Variants in STX8 observed in about 807,000 individuals in gnomAD.
The protein encoded by STX8 is syntaxin 8, also known as syntaxin-8.
Under a neutral mutation model 37.5 loss-of-function variants are expected in STX8, and 23 were observed. The ratio of observed to expected loss-of-function variants is 0.61; its 90% confidence interval spans 0.44 to 0.87. STX8 has a LOEUF of 0.87. STX8 is among the 40% of genes least tolerant of loss of function. The pLI is 0.00. For synonymous variants in STX8, 115 were observed against 99.1 expected (o/e 1.16, Z -0.95); for missense variants, 313 against 284.7 (o/e 1.10, Z -0.71).
intron 7 of STX8, among the ~76,000 whole-genome samples, chr17:9,344,696 C>T (rs934903055): frequency 3.3e-5 from 5 of 152,178 alleles, no homozygotes; most frequent in African/African-American, 9.7e-5. Flanking sequence ...GCCCCACCCA[C>T]ACCCCCAACT....
chr17:9,360,918 C>G (rs568975503), intron 7 of STX8, among the ~76,000 whole-genome samples: 129 of 152,206 alleles, frequency 8.5e-4, no homozygotes, highest in Non-Finnish European at 1.4e-3. Flanking sequence ...CCCGCGGTGC[C>G]GGCTACAGGT....
At chr17:9,316,019 T>TA (rs34817207) in intron 7 of STX8, among the ~76,000 whole-genome samples, 15,901 of 138,076 alleles carry the variant, frequency 0.12, 1,111 homozygotes, top group Non-Finnish European at 0.17. Context: ...CATCTCCAAT[T>TA]AAAAAAAAAA....
chr17:9,336,172 G>A (rs994296802), intron 7 of STX8, among the ~76,000 whole-genome samples: 3 of 152,050 alleles, frequency 2.0e-5, no homozygotes, highest in Non-Finnish European at 4.4e-5. Flanking sequence ...GAACTTTATC[G>A]GTATGAGGAT....
rs1021965490 is a variant in STX8 at position 9,481,172 on chromosome 17, C to A, written c.541+10657G>T. ...TGCTGGGATTATAGGCGTGAACCAC[C>A]GTGCCCGGCCTCCTATGCCAATTTC... is the stretch of plus-strand genomic sequence containing the variant. On this transcript the variant is annotated intron_variant, in intron 6 of 7. Coordinates refer to ENST00000306357, the MANE Select transcript of STX8 (RefSeq NM_004853.3). 7.9e-5 allele frequency among the ~76,000 whole-genome samples: 12 copies of A among 152,078 alleles called. 1 individual carries two copies. Among genetic ancestry groups the A allele is most frequent in the African/African-American group, 1.9e-4 (8 of 41,414 alleles).
intron 6 of STX8, among the ~76,000 whole-genome samples, chr17:9,451,368 G>C (rs1157995228): frequency 1.3e-5 from 2 of 152,026 alleles, no homozygotes; most frequent in African/African-American, 4.8e-5. Context: ...CTCAGTTCGA[G>C]AACTTACACA....
At chr17:9,431,775 T>C (rs1913994186) in intron 6 of STX8, among the ~76,000 whole-genome samples, 1 of 152,234 alleles carries the variant, frequency 6.6e-6, no homozygotes, top group African/African-American at 2.4e-5. Context: ...ATTAACATCA[T>C]GGTGTTAAGA....
At chr17:9,325,553 A>G (rs1909725718) in intron 7 of STX8, among the ~76,000 whole-genome samples, 1 of 152,174 alleles carries the variant, frequency 6.6e-6, no homozygotes, top group Non-Finnish European at 1.5e-5. Flanking sequence ...CCATCTTGAC[A>G]TTCTTGATAA....
At chr17:9,316,964 C>T (rs568350375) in intron 7 of STX8, among the ~76,000 whole-genome samples, 8 of 152,190 alleles carry the variant, frequency 5.3e-5, no homozygotes, top group Non-Finnish European at 7.4e-5. Context: ...TGAAGCATTG[C>T]GGGTGAGGAG....
intron 7 of STX8, chr17:9,377,753 G>A (rs1911650965): frequency 6.6e-6 from 1 of 152,220 alleles, no homozygotes; most frequent in Non-Finnish European, 1.5e-5. Flanking sequence ...CTGAGCCACT[G>A]CAGGTGGCCT....
intron 7 of STX8, among the ~76,000 whole-genome samples, chr17:9,297,763 C>T (rs930409211): frequency 6.6e-6 from 1 of 152,094 alleles, no homozygotes; most frequent in African/African-American, 2.4e-5. Context: ...GTAGTCCCAG[C>T]TGCCTGGGAG....
At chr17:9,341,714 G>A (rs1245590457) in intron 7 of STX8, among the ~76,000 whole-genome samples, 1 of 152,204 alleles carries the variant, frequency 6.6e-6, no homozygotes, top group East Asian at 1.9e-4. Flanking sequence ...TGGGATTACA[G>A]GCATGAGCCA....
At chr17:9,373,654 A>C (rs1257069136) in intron 7 of STX8, among the ~76,000 whole-genome samples, 1 of 152,198 alleles carries the variant, frequency 6.6e-6, no homozygotes, top group African/African-American at 2.4e-5. Context: ...ATGTTAAAAA[A>C]AGTGGCTGGG....
intron 7 of STX8, among the ~76,000 whole-genome samples, chr17:9,270,669 T>A (rs1374254381): frequency 6.6e-6 from 1 of 152,010 alleles, no homozygotes; most frequent in Non-Finnish European, 1.5e-5. Context: ...AATGAATGAG[T>A]GAAGAAATGA....
At chr17:9,494,150 G>A (rs1428950670) in intron 5 of STX8, among the ~76,000 whole-genome samples, 1 of 151,660 alleles carries the variant, frequency 6.6e-6, no homozygotes, top group East Asian at 2.0e-4. Flanking sequence ...CGAGTAGCTG[G>A]GACTACAGGC....
chr17:9,281,520 T>TC (rs1165520195), intron 7 of STX8, among the ~76,000 whole-genome samples: 1 of 152,002 alleles, frequency 6.6e-6, no homozygotes, highest in Non-Finnish European at 1.5e-5. Context: ...AGAGAACTTG[T>TC]CTTTTGGGTA....
At chr17:9,425,932 C>T (rs73261833) in intron 6 of STX8, among the ~76,000 whole-genome samples, 17,770 of 152,064 alleles carry the variant, frequency 0.12, 3,095 homozygotes, top group African/African-American at 0.38. Context: ...CACGTATGCA[C>T]GCGCACACAC....
At chr17:9,290,907 GA>G (rs1908290200) in intron 7 of STX8, among the ~76,000 whole-genome samples, 1 of 152,130 alleles carries the variant, frequency 6.6e-6, no homozygotes, top group South Asian at 2.1e-4. Context: ...GTCCTCTGCT[GA>G]AAAAGACAAC....
chr17:9,418,362 C>T (rs866361523), intron 6 of STX8, among the ~76,000 whole-genome samples: 6 of 151,958 alleles, frequency 3.9e-5, no homozygotes, highest in Admixed American at 6.6e-5. Context: ...CAGTGAAAGT[C>T]GAAAACTAAC....
intron 4 of STX8, among the ~76,000 whole-genome samples, chr17:9,535,424 C>CTTTTTTTTCTTTTTTTTTT (rs1905993644): frequency 1.9e-5 from 1 of 51,550 alleles, no homozygotes; most frequent in East Asian, 8.3e-4. Flanking sequence ...AGCCATCCTA[C>CTTTTTTTTCTTTTTTTTTT]TTTTTTTTTT....
Sources: allele counts gnomAD v4.1 joint callset (sites outside exome capture counted in the v4.1 genomes callset), GRCh38; gene constraint gnomAD v4.1.1; transcripts MANE v1.5; gene names NCBI Gene and HGNC (gene_info 2026-07-23, HGNC 2026-07-21).